HDX: variants seen among roughly 807,000 people sequenced by gnomAD.
The protein encoded by HDX is chromosome X open reading frame 43.
A neutral mutation model predicts 45.2 loss-of-function variants in HDX; 19 were observed. That is an observed-to-expected ratio of 0.42 (90% confidence interval 0.29 to 0.62). The LOEUF is 0.62. Ranked by LOEUF, HDX falls within the 20% of genes least tolerant of loss-of-function variation. The pLI, the probability that HDX is intolerant of heterozygous loss-of-function variation, is 0.20. For missense variants in HDX, 532 were observed against 493.9 expected (o/e 1.08, Z -0.73); for synonymous variants, 188 against 172.8 (o/e 1.09, Z -0.69).
chrX:84,463,253 A>T (rs1316912078), intron 4 of HDX, among the ~76,000 whole-genome samples: 1 of 111,357 alleles, frequency 9.0e-6, no homozygotes, highest in Admixed American at 9.5e-5. Context: ...TTTTTTAAAA[A>T]CTTGAATATT....
At chrX:84,334,129 C>T (rs1421314328) in intron 8 of HDX, among the ~76,000 whole-genome samples, 1 of 111,255 alleles carries the variant, frequency 9.0e-6, no homozygotes, top group Non-Finnish European at 1.9e-5. Context: ...TTAAACAGCA[C>T]CCTCCAGGGA....
chrX:84,362,514 A>AAT (rs1024793919), intron 5 of HDX, among the ~76,000 whole-genome samples: 12 of 110,414 alleles, frequency 1.1e-4, no homozygotes, highest in Non-Finnish European at 2.1e-4. Flanking sequence ...CTTTAATTAA[A>AAT]ATATATATAT....
chrX:84,384,545 GTT>G (rs60863385), intron 5 of HDX, among the ~76,000 whole-genome samples: 227 of 93,312 alleles, frequency 2.4e-3, no homozygotes, highest in East Asian at 0.011. Flanking sequence ...CACTTGTCAA[GTT>G]TTTTTTTTTT....
intron 9 of HDX, among the ~76,000 whole-genome samples, chrX:84,329,797 A>T (rs2036806594): frequency 9.0e-6 from 1 of 111,676 alleles, no homozygotes; most frequent in South Asian, 3.7e-4. Flanking sequence ...CTTATTTCCC[A>T]GCCTCCCACA....
At chrX:84,364,785 A>G (rs940607754) in intron 5 of HDX, among the ~76,000 whole-genome samples, 4 of 110,602 alleles carry the variant, frequency 3.6e-5, no homozygotes, top group African/African-American at 1.3e-4. Flanking sequence ...GCTCCTAGAA[A>G]CCACTTTTCT....
chrX:84,423,135 A>C (rs2039304331), intron 5 of HDX, among the ~76,000 whole-genome samples: 2 of 111,128 alleles, frequency 1.8e-5, no homozygotes, highest in Admixed American at 9.6e-5. Flanking sequence ...AATTAATCTG[A>C]AAATCTAGAA....
chrX:84,415,334 G>T (rs1286736260), intron 5 of HDX, among the ~76,000 whole-genome samples: 2 of 111,965 alleles, frequency 1.8e-5, no homozygotes, highest in Non-Finnish European at 3.8e-5. Context: ...GAAGACACTT[G>T]CCCTTTCCTG....
chrX:84,442,669 T>C (rs2039787252), intron 4 of HDX, among the ~76,000 whole-genome samples: 1 of 110,917 alleles, frequency 9.0e-6, no homozygotes, highest in African/African-American at 3.3e-5. Flanking sequence ...AAATTCATTG[T>C]TAGCCTCAGT....
intron 6 of HDX, among the ~76,000 whole-genome samples, chrX:84,345,483 T>A (rs1271311766): frequency 8.9e-6 from 1 of 111,835 alleles, no homozygotes; most frequent in Non-Finnish European, 1.9e-5. Context: ...TTTTTATTGC[T>A]AAGCAGTATT....
At chrX:84,381,925 G>A (rs1032394915) in intron 5 of HDX, among the ~76,000 whole-genome samples, 1 of 110,847 alleles carries the variant, frequency 9.0e-6, no homozygotes, top group Non-Finnish European at 1.9e-5. Context: ...CCCATAGAAG[G>A]AGCAAATATT....
At chrX:84,374,993 C>T (rs1351322547) in intron 5 of HDX, among the ~76,000 whole-genome samples, 1 of 106,531 alleles carries the variant, frequency 9.4e-6, no homozygotes, top group Non-Finnish European at 1.9e-5. Context: ...ACAACCTACT[C>T]ATCTGACAAA....
intron 5 of HDX, among the ~76,000 whole-genome samples, chrX:84,433,867 A>G (rs979540520): frequency 1.8e-5 from 2 of 110,035 alleles, no homozygotes; most frequent in African/African-American, 6.6e-5. Flanking sequence ...TCCTTTCATC[A>G]ATGTTTTGTT....
rs761514595 is a variant in HDX at position 84,319,819 on chromosome X, G to A, written c.*2070C>T. The A allele has an allele frequency of 3.5e-4, 39 of 111,314 alleles. No individual in the cohort carries two copies. The highest frequency in any genetic ancestry group is 7.0e-4 in the Non-Finnish European group (37 of 52,598). 9.2% of individuals were successfully genotyped at this position (111,314 alleles called of 1,213,427 possible). ...TTATTTGTGATGTTTACAGCTTGCTGAGAAATCCAATGTCCAGCACAGTGT... is the reference window on the plus strand; with the variant it reads ...TTATTTGTGATGTTTACAGCTTGCTAAGAAATCCAATGTCCAGCACAGTGT... On this transcript the variant is annotated 3_prime_UTR_variant, in exon 11 of 11. Coordinates refer to ENST00000373177, the MANE Select transcript of HDX (RefSeq NM_001177479.2).
intron 5 of HDX, among the ~76,000 whole-genome samples, chrX:84,402,416 G>A (rs2038727448): frequency 2.7e-5 from 3 of 111,191 alleles, no homozygotes; most frequent in South Asian, 7.5e-4. Context: ...AATATCTTAC[G>A]TTTTACCTAC....
intron 2 of HDX, among the ~76,000 whole-genome samples, chrX:84,481,102 G>T (rs1003047875): frequency 9.0e-6 from 1 of 111,145 alleles, no homozygotes; most frequent in Non-Finnish European, 1.9e-5. Flanking sequence ...CTAAGTTGTT[G>T]AACTCAAAGG....
At chrX:84,489,091 A>G (rs760337539) in intron 1 of HDX, among the ~76,000 whole-genome samples, 1 of 111,338 alleles carries the variant, frequency 9.0e-6, no homozygotes, top group Non-Finnish European at 1.9e-5. Context: ...TGACTCTATC[A>G]TTTGGGCCTT....
intron 5 of HDX, among the ~76,000 whole-genome samples, chrX:84,397,668 C>T (rs1397216875): frequency 9.0e-6 from 1 of 111,566 alleles, no homozygotes; most frequent in African/African-American, 3.3e-5. Flanking sequence ...ACAGTGTTCT[C>T]TTTTGGATAA....
intron 4 of HDX, among the ~76,000 whole-genome samples, chrX:84,464,714 T>G (rs889748044): frequency 9.0e-6 from 1 of 111,651 alleles, no homozygotes; most frequent in African/African-American, 3.3e-5. Flanking sequence ...CCTAAAACCA[T>G]GAAAATCCTA....
At chrX:84,336,742 T>C in intron 8 of HDX, 59 bp downstream of exon 8, 1 of 768,872 alleles carries the variant, frequency 1.3e-6, no homozygotes, top group Non-Finnish European at 1.9e-6. Context: ...TTTCACCAAC[T>C]GGATACTTGG....
Sources: allele counts gnomAD v4.1 joint callset (sites outside exome capture counted in the v4.1 genomes callset), GRCh38; gene constraint gnomAD v4.1.1; transcripts MANE v1.5; gene names NCBI Gene and HGNC (gene_info 2026-07-23, HGNC 2026-07-21).